The following MGA variants were observed in gnomAD, a reference collection of about 807,000 sequenced individuals.
MGA encodes MAX dimerization protein MGA, also known as MAX gene-associated protein.
MGA carries 40 observed loss-of-function variants against 261.1 expected under a neutral mutation model. The observed-to-expected ratio is 0.15, with a 90% CI of 0.12 to 0.20. The LOEUF (loss-of-function observed/expected upper bound fraction) is 0.20. Ranked by LOEUF, MGA falls within the 10% of genes least tolerant of loss-of-function variation. The probability of loss-of-function intolerance (pLI) is 1.00; values close to 1 mark genes in which losing one functional copy is unlikely to be tolerated. For synonymous variants in MGA, 1,302 were observed against 1,290.6 expected (o/e 1.01, Z -0.19); for missense variants, 3,397 against 3,630.5 (o/e 0.94, Z 1.65).
chr15:41,746,410 GGTT>G (rs2151892501), intron 15 of MGA, among the ~76,000 whole-genome samples: 1 of 152,062 alleles, frequency 6.6e-6, no homozygotes, highest in Non-Finnish European at 1.5e-5. Context: ...CGGATGTGGT[GGTT>G]GCATGCCTGT....
chr15:41,646,758 A>G lies in MGA; in HGVS notation c.-67-22070A>G, dbSNP rs560896269. On this transcript the variant is annotated intron_variant, in intron 1 of 8. Transcript: ENST00000566718. ...GTTTTTTGACTTAATGATATTTTCAATTGTGATGGGTTAATTGAGATATCA... is the reference window on the plus strand; with the variant it reads ...GTTTTTTGACTTAATGATATTTTCAGTTGTGATGGGTTAATTGAGATATCA... Among the ~76,000 whole-genome samples the G allele has an allele frequency of 1.3e-4, 19 of 149,184 alleles. No homozygotes were observed. The East Asian group carries it at 2.4e-3, about 19-fold the overall frequency.
intron 5 of MGA, among the ~76,000 whole-genome samples, chr15:41,706,120 C>T (rs538048745): frequency 7.3e-4 from 111 of 151,906 alleles, no homozygotes; most frequent in African/African-American, 2.6e-3. Flanking sequence ...GCCTGTAATC[C>T]CAGCTACTTG....
intron 11 of MGA, among the ~76,000 whole-genome samples, chr15:41,733,947 A>G (rs1412845940): frequency 2.9e-5 from 4 of 137,092 alleles, no homozygotes; most frequent in Admixed American, 1.6e-4. Flanking sequence ...ATAGGGCCTC[A>G]CTCTGTCACC....
At chr15:41,765,370 A>T (rs1056021791) in intron 23 of MGA, among the ~76,000 whole-genome samples, 2 of 152,184 alleles carry the variant, frequency 1.3e-5, no homozygotes, top group African/African-American at 4.8e-5. Context: ...GGTGTTGATA[A>T]ATATTTGTCA....
intron 17 of MGA, among the ~76,000 whole-genome samples, chr15:41,754,014 C>T (rs2063002182): frequency 6.6e-6 from 1 of 152,142 alleles, no homozygotes. Flanking sequence ...GAACTCCTGG[C>T]CTCAAGCAAT....
intron 2 of MGA, chr15:41,684,330 CATA>C (rs1161050455): frequency 2.3e-6 from 1 of 443,198 alleles, no homozygotes; most frequent in Non-Finnish European, 4.5e-6. Context: ...GCATTGATTA[CATA>C]ATGCCAACAA....
intron 1 of MGA, among the ~76,000 whole-genome samples, chr15:41,644,346 CAAAAAAAAA>C (rs34743222): frequency 9.1e-5 from 6 of 65,696 alleles, no homozygotes; most frequent in Admixed American, 3.9e-4. Flanking sequence ...CCATCTGTAC[CAAAAAAAAA>C]AAAAAAAAAA....
At position 41,622,993 on chromosome 15, in the gene MGA, C is replaced by T. The variant is rs577119382; in HGVS notation, c.-68+1695C>T. Among the ~76,000 whole-genome samples, 4 of 152,304 alleles carry T rather than the reference C, an allele frequency of 2.6e-5. No homozygotes were observed. The South Asian group carries it at 6.2e-4, about 24-fold the overall frequency. On this transcript the variant is annotated intron_variant, in intron 1 of 8. Coordinates refer to the MGA transcript ENST00000566718. ...ACTTTTGAGTAATTATAATAGTTAT[C>T]TTTCTGGCTTGGTGTTCTAAATACT...
intron 5 of MGA, among the ~76,000 whole-genome samples, chr15:41,704,013 A>G (rs1315411439): frequency 2.0e-5 from 3 of 151,966 alleles, no homozygotes; most frequent in Admixed American, 2.0e-4. Flanking sequence ...GGGTTTTGCC[A>G]TGTTGCCCAG....
upstream of MGA, among the ~76,000 whole-genome samples, chr15:41,656,528 T>A (rs940411639): frequency 3.3e-5 from 5 of 151,218 alleles, no homozygotes; most frequent in African/African-American, 9.7e-5. Flanking sequence ...TTTTTATTTT[T>A]ATTTTATTTT....
chr15:41,633,688 G>C (rs991397911), intron 1 of MGA, among the ~76,000 whole-genome samples: 4 of 152,238 alleles, frequency 2.6e-5, no homozygotes, highest in African/African-American at 7.2e-5. Flanking sequence ...TTCCCAAAGT[G>C]CTGGGATTAC....
chr15:41,724,226 T>G (rs950259568), intron 9 of MGA, among the ~76,000 whole-genome samples: 1 of 152,244 alleles, frequency 6.6e-6, no homozygotes, highest in African/African-American at 2.4e-5. Flanking sequence ...AACCTCTTAA[T>G]ACCACCTTCA....
rs1387410203 is a variant in MGA, at chr15:41,707,764, G to A, written c.2225G>A (p.Ser742Asn). Residue 742 changes from serine (S) to asparagine (N), a missense_variant, in exon 6 of 24, where the codon AGC (serine) becomes AAC (asparagine). Ser to Asn is a conservative substitution (Grantham distance 46). Coordinates refer to ENST00000219905, the MANE Select transcript of MGA (RefSeq NM_001164273.2). ...TTGAATTCAGTGGATCCAACAATGA[G>A]CATTGATCTTAAATACTTGGGAGTA... is the stretch of plus-strand genomic sequence containing the variant. 2 of 1,612,884 alleles carry A rather than the reference G, an allele frequency of 1.2e-6. No homozygotes were observed. The highest frequency in any genetic ancestry group is 1.7e-6 in the Non-Finnish European group (2 of 1,179,434).
chr15:41,650,366 C>T (rs1480950546), intron 1 of MGA, among the ~76,000 whole-genome samples: 1 of 152,178 alleles, frequency 6.6e-6, no homozygotes, highest in Non-Finnish European at 1.5e-5. Flanking sequence ...AACTTCTAGA[C>T]ATTCTTTAAC....
Position 41,751,209 on chromosome 15 carries a change from T to C in MGA, c.7008+594T>C, listed in dbSNP as rs375444561. 9.2e-5 allele frequency: 14 copies of C among 152,410 alleles called. No homozygotes were observed. The East Asian group carries it at 2.5e-3, about 27-fold the overall frequency. The allele number at this position is 152,410 out of a possible 1,614,324, so 9.4% of individuals were successfully genotyped here. On this transcript the variant is annotated intron_variant, in intron 17 of 23. Transcript: ENST00000219905. ...ATATGACCTTTATGGCCTATTTTTATTATTTTCCTGAAGTTTTTTTTATAG... is the reference window on the plus strand; with the variant it reads ...ATATGACCTTTATGGCCTATTTTTACTATTTTCCTGAAGTTTTTTTTATAG...
chr15:41,745,637 C>T (rs1056716864), intron 15 of MGA, among the ~76,000 whole-genome samples: 1 of 151,918 alleles, frequency 6.6e-6, no homozygotes, highest in African/African-American at 2.4e-5. Flanking sequence ...CAGGGTCTTG[C>T]CCTGTCATCC....
At chr15:41,670,049 C>A in intron 2 of MGA, 91 bp downstream of exon 2, 1 of 1,028,528 alleles carries the variant, frequency 9.7e-7, no homozygotes, top group Non-Finnish European at 1.4e-6. Flanking sequence ...TGGAATGCTA[C>A]AGATGTTGAT....
At chr15:41,713,517 A>G (rs759505600) in intron 9 of MGA, 21 bp downstream of exon 9, 14 of 1,507,792 alleles carry the variant, frequency 9.3e-6, no homozygotes, top group Non-Finnish European at 2.6e-6. Flanking sequence ...ATTGAGAGTT[A>G]AAACTGTGCC....
intron 10 of MGA, among the ~76,000 whole-genome samples, chr15:41,728,398 T>G (rs936016071): frequency 1.3e-5 from 2 of 152,118 alleles, no homozygotes; most frequent in African/African-American, 2.4e-5. Flanking sequence ...CAGTCCAAAT[T>G]CTGCATATAA....
Sources: allele counts gnomAD v4.1 joint callset (sites outside exome capture counted in the v4.1 genomes callset), GRCh38; gene constraint gnomAD v4.1.1; transcripts MANE v1.5; gene names NCBI Gene and HGNC (gene_info 2026-07-23, HGNC 2026-07-21).